The following TLE4 variants were observed in gnomAD, a reference collection of about 807,000 sequenced individuals.
The protein encoded by TLE4 is transducin-like enhancer protein 4.
In TLE4, 8 loss-of-function variants were observed where a neutral mutation model predicts 92.8. The observed-to-expected ratio is 0.09, with a 90% CI of 0.05 to 0.16. TLE4 has a LOEUF of 0.16. Ranked by LOEUF, TLE4 falls within the 10% of genes least tolerant of loss-of-function variation. TLE4 has a pLI of 1.00. For missense variants in TLE4, 675 were observed against 997.6 expected, an observed-to-expected ratio of 0.68 and a Z score of 4.36; for synonymous variants, 371 against 374.1, an observed-to-expected ratio of 0.99 and a Z score of 0.10.
chr9:79,656,133 T>A (rs1463127885), intron 8 of TLE4, among the ~76,000 whole-genome samples: 2 of 152,184 alleles, frequency 1.3e-5, no homozygotes, highest in African/African-American at 4.8e-5. Flanking sequence ...TCTGGGACTG[T>A]CCTATAGTTC....
intron 10 of TLE4, among the ~76,000 whole-genome samples, 195 bp from the exon 11 acceptor site, chr9:79,706,552 A>G (rs527633032): frequency 1.3e-5 from 2 of 152,206 alleles, no homozygotes; most frequent in East Asian, 3.9e-4. Context: ...AATAAGTACT[A>G]TAAATACTAT....
chr9:79,580,459 C>T (rs1254384912), intron 4 of TLE4: 1 of 152,076 alleles, frequency 6.6e-6, no homozygotes, highest in East Asian at 1.9e-4. Context: ...TAATACATGA[C>T]TGGCATGACA....
intron 6 of TLE4, among the ~76,000 whole-genome samples, chr9:79,636,232 T>C (rs527885541): frequency 6.6e-6 from 1 of 152,282 alleles, no homozygotes; most frequent in African/African-American, 2.4e-5. Flanking sequence ...GGGAGGCTAC[T>C]GGATCACTTG....
chr9:79,706,712 G>A (rs374754212), intron 10 of TLE4, 35 bp from the exon 11 acceptor site: 414 of 1,598,672 alleles, frequency 2.6e-4, no homozygotes, highest in Admixed American at 1.3e-3. Flanking sequence ...TAAATGTGCT[G>A]TGCTTGCATT....
At chr9:79,647,862 G>A (rs757040182) in intron 6 of TLE4, among the ~76,000 whole-genome samples, 1 of 152,014 alleles carries the variant, frequency 6.6e-6, no homozygotes, top group African/African-American at 2.4e-5. Context: ...GAGAGACAGT[G>A]GTGGAGATTA....
At chr9:79,684,683 T>C (rs1240011076) in intron 8 of TLE4, among the ~76,000 whole-genome samples, 2 of 152,186 alleles carry the variant, frequency 1.3e-5, no homozygotes, top group Non-Finnish European at 2.9e-5. Context: ...CTAGAACGTC[T>C]TCAGCTCAAC....
chr9:79,606,187 G>GTTGTTGT (rs2046834923), intron 4 of TLE4, among the ~76,000 whole-genome samples: 1 of 28,676 alleles, frequency 3.5e-5, no homozygotes, highest in Admixed American at 4.9e-4. Flanking sequence ...AGTAGTAGTT[G>GTTGTTGT]TTTTTTTTTT....
Position 79,725,136 on chromosome 9 carries a change from A to G in TLE4, c.2314A>G (p.Ile772Val). The G allele has an allele frequency of 6.2e-7, 1 of 1,612,206 alleles. No homozygotes were observed. The highest frequency in any genetic ancestry group is 1.1e-5 in the South Asian group (1 of 91,034). ...GDKKATVYEVIY is the reference protein window; with the variant it reads ...GDKKATVYEVVY ...TAAGAAGGCCACAGTTTATGAAGTT[A>G]TTTATTAAAGACAAATCTTCATGCA... Residue 772 changes from isoleucine to valine, a missense_variant, in exon 20 of 20, where the codon ATT becomes GTT. Physicochemically the swap from Ile to Val is conservative, Grantham distance 29. Coordinates refer to ENST00000376552, the MANE Select transcript of TLE4 (RefSeq NM_007005.6).
chr9:79,589,409 C>T (rs192448942), intron 4 of TLE4, among the ~76,000 whole-genome samples: 39 of 151,390 alleles, frequency 2.6e-4, no homozygotes, highest in Non-Finnish European at 4.7e-4. Flanking sequence ...TTGTAATCTT[C>T]CTTTTCCTAA....
intron 8 of TLE4, among the ~76,000 whole-genome samples, chr9:79,671,941 T>G (rs1343444304): frequency 7.2e-6 from 1 of 139,578 alleles, no homozygotes; most frequent in Non-Finnish European, 1.5e-5. Flanking sequence ...AAAAAAAAAG[T>G]CAGTCTGGAA....
intron 8 of TLE4, among the ~76,000 whole-genome samples, chr9:79,683,238 T>G (rs1280279500): frequency 6.6e-6 from 1 of 152,222 alleles, no homozygotes; most frequent in African/African-American, 2.4e-5. Context: ...TCCATTCCTA[T>G]TCTCCTTTGT....
chr9:79,653,165 G>A lies in TLE4; in HGVS notation c.592+371G>A, dbSNP rs533750423. Among the ~76,000 whole-genome samples the A allele has an allele frequency of 4.7e-4, 72 of 152,300 alleles. No homozygotes were observed. In the South Asian group the frequency reaches 6.8e-3, roughly 14 times the overall value. On this transcript the variant is annotated intron_variant, in intron 7 of 19. Coordinates refer to ENST00000376552, the MANE Select transcript of TLE4 (RefSeq NM_007005.6). ...TTTGGGGAATGTCTTGCTGATAAAT[G>A]CTCACTTGATATTTGACCAAATCAA... is the stretch of plus-strand genomic sequence containing the variant.
At chr9:79,584,433 A>C (rs1056503013) in intron 4 of TLE4, among the ~76,000 whole-genome samples, 1 of 152,204 alleles carries the variant, frequency 6.6e-6, no homozygotes, top group African/African-American at 2.4e-5. Context: ...AAAACTGGCT[A>C]TCTGGCATTC....
intron 6 of TLE4, among the ~76,000 whole-genome samples, chr9:79,642,833 AAGACCAGTCC>A (rs2057426434): frequency 6.6e-6 from 1 of 152,156 alleles, no homozygotes; most frequent in African/African-American, 2.4e-5. Flanking sequence ...CCATCCCCTT[AAGACCAGTCC>A]AGAGATTTGG....
chr9:79,579,353 G>T (rs1331806152), intron 4 of TLE4, among the ~76,000 whole-genome samples: 1 of 152,174 alleles, frequency 6.6e-6, no homozygotes, highest in Non-Finnish European at 1.5e-5. Flanking sequence ...CATTAAAGAA[G>T]TCCTCACTGA....
intron 8 of TLE4, among the ~76,000 whole-genome samples, chr9:79,682,410 G>C (rs1588191637): frequency 6.6e-6 from 1 of 152,226 alleles, no homozygotes; most frequent in African/African-American, 2.4e-5. Context: ...AGGATTTCCT[G>C]ACATGCCTTT....
intron 4 of TLE4, among the ~76,000 whole-genome samples, chr9:79,582,800 C>T (rs575666892): frequency 6.6e-6 from 1 of 152,050 alleles, no homozygotes; most frequent in Non-Finnish European, 1.5e-5. Context: ...ATGACTCCAG[C>T]GTTCCAGCAA....
intron 1 of TLE4, 47 bp from the exon 2 acceptor site, chr9:79,573,642 T>C (rs1273081357): frequency 6.8e-7 from 1 of 1,475,876 alleles, no homozygotes; most frequent in Admixed American, 1.9e-5. Context: ...GTCTCCCTGC[T>C]TCGCCTGTGA....
At chr9:79,649,204 G>C (rs902289906) in intron 6 of TLE4, among the ~76,000 whole-genome samples, 13 of 151,662 alleles carry the variant, frequency 8.6e-5, no homozygotes, top group African/African-American at 2.4e-4. Context: ...TTGAAGTGGA[G>C]GCAGCAGATT....
Sources: gnomAD v4.1 joint callset for allele counts (sites outside exome capture counted in the v4.1 genomes callset) on GRCh38, gnomAD v4.1.1 for gene constraint, MANE v1.5 for transcripts, NCBI Gene and HGNC (gene_info 2026-07-23, HGNC 2026-07-21) for gene names.